The following ZNF385D variants were observed in gnomAD, a reference collection of about 807,000 sequenced individuals.
ZNF385D encodes the protein zinc finger protein 659.
A neutral mutation model predicts 35.8 loss-of-function variants in ZNF385D; 15 were observed. That is an observed-to-expected ratio of 0.42 (90% confidence interval 0.28 to 0.64). The LOEUF (loss-of-function observed/expected upper bound fraction) is 0.64. Among genes scored for constraint, ZNF385D ranks in the 30% least tolerant of loss-of-function variants. ZNF385D has a pLI of 0.23. For synonymous variants in ZNF385D, 212 were observed against 186.8 expected (o/e 1.13, Z -1.10); for missense variants, 474 against 494.6 (o/e 0.96, Z 0.39).
In ZNF385D at chr3:21,646,384, G is replaced by A. The variant is rs1359162912; in HGVS notation, c.165+18502C>T. On this transcript the variant is annotated intron_variant, in intron 2 of 7. Transcript: ENST00000281523. This position sits in a 1 kb window ranked among gnomAD's most constrained non-coding sequence, Gnocchi z 4.3. ...CACGATTAATCTGACTTCACAGTGAGACGCTGAGAAAGGTGAAGTAAGTGG... is the reference window on the plus strand; with the variant it reads ...CACGATTAATCTGACTTCACAGTGAAACGCTGAGAAAGGTGAAGTAAGTGG... Among the ~76,000 whole-genome samples the A allele has an allele frequency of 6.6e-6, 1 of 152,202 alleles. No homozygotes were observed. The highest frequency in any genetic ancestry group is 1.5e-5 in the Non-Finnish European group (1 of 68,044).
At chr3:22,178,208 A>C (rs7431409) in intron 2 of ZNF385D, among the ~76,000 whole-genome samples, 3,085 of 152,286 alleles carry the variant, frequency 0.02, 75 homozygotes, top group South Asian at 0.11. Flanking sequence ...CCAACAGTGT[A>C]AAAGTGTTCC....
intron 3 of ZNF385D, among the ~76,000 whole-genome samples, chr3:22,152,517 G>C (rs1044122251): frequency 9.2e-5 from 14 of 152,152 alleles, no homozygotes; most frequent in African/African-American, 3.4e-4. Flanking sequence ...TGTAAGGGAA[G>C]AATCTGTTTC....
chr3:21,717,089 C>A (rs551229405), intron 1 of ZNF385D, among the ~76,000 whole-genome samples: 1 of 152,114 alleles, frequency 6.6e-6, no homozygotes, highest in African/African-American at 2.4e-5. Flanking sequence ...GCCAAGATTG[C>A]GCCACTGCAC....
At chr3:22,244,772 C>A (rs1699683725) in intron 2 of ZNF385D, among the ~76,000 whole-genome samples, 1 of 150,828 alleles carries the variant, frequency 6.6e-6, no homozygotes, top group African/African-American at 2.5e-5. Context: ...TCAGCGAGCT[C>A]TAAAATCATT....
chr3:21,712,104 C>T (rs1458009194), intron 1 of ZNF385D, among the ~76,000 whole-genome samples: 2 of 37,716 alleles, frequency 5.3e-5, no homozygotes, highest in Non-Finnish European at 9.8e-5. Flanking sequence ...ACAGCCCTTT[C>T]CCTCGATGGC....
chr3:21,574,899 A>G (rs535685185), intron 2 of ZNF385D, among the ~76,000 whole-genome samples: 16 of 151,926 alleles, frequency 1.1e-4, no homozygotes, highest in African/African-American at 3.9e-4. Flanking sequence ...AAGGAAGGGC[A>G]CACACCAAAC....
Position 22,082,129 on chromosome 3 carries a change from G to A in ZNF385D, c.325+86688C>T, listed in dbSNP as rs563823724. ...ACAGCTCTGGTCTGCAGCTCCCAGAGTGATTGACGCAGCAGATGGGTGATT... is the reference window on the plus strand; with the variant it reads ...ACAGCTCTGGTCTGCAGCTCCCAGAATGATTGACGCAGCAGATGGGTGATT... On this transcript the variant is annotated intron_variant, in intron 3 of 5. Transcript: ENST00000494108. 1.5e-3 allele frequency among the ~76,000 whole-genome samples: 233 copies of A among 152,008 alleles called. 1 individual carries two copies. The highest frequency in any genetic ancestry group is 4.4e-3 in the African/African-American group (181 of 41,478).
intron 3 of ZNF385D, among the ~76,000 whole-genome samples, chr3:21,961,818 T>C (rs1343978702): frequency 6.6e-6 from 1 of 151,986 alleles, no homozygotes; most frequent in African/African-American, 2.4e-5. Flanking sequence ...CTGGATGGGA[T>C]GGGGAGCAAC....
intron 2 of ZNF385D, among the ~76,000 whole-genome samples, chr3:21,602,297 AT>A (rs2064318962): frequency 6.6e-6 from 1 of 152,010 alleles, no homozygotes; most frequent in East Asian, 1.9e-4. Flanking sequence ...CAGCCAAACC[AT>A]ATCAGAACGT....
chr3:21,705,905 T>C (rs2067881300), intron 1 of ZNF385D, among the ~76,000 whole-genome samples: 1 of 152,136 alleles, frequency 6.6e-6, no homozygotes, highest in Admixed American at 6.6e-5. Context: ...CACACCAAGC[T>C]CTGGTTGCCA....
chr3:21,956,084 G>T (rs1702270640), intron 3 of ZNF385D, among the ~76,000 whole-genome samples: 1 of 152,000 alleles, frequency 6.6e-6, no homozygotes, highest in South Asian at 2.1e-4. Context: ...TACTCAAGAG[G>T]CTGAGGTGAG....
chr3:22,140,497 C>G (rs1704440069), intron 3 of ZNF385D, among the ~76,000 whole-genome samples: 1 of 152,150 alleles, frequency 6.6e-6, no homozygotes, highest in African/African-American at 2.4e-5. Flanking sequence ...GAAAATGTAT[C>G]TATGTGATAA....
intron 3 of ZNF385D, among the ~76,000 whole-genome samples, chr3:21,998,308 G>A (rs1414048689): frequency 3.3e-5 from 5 of 152,138 alleles, no homozygotes; most frequent in African/African-American, 9.7e-5. Flanking sequence ...GTGCACCGGT[G>A]CTCTAATACA....
intron 3 of ZNF385D, among the ~76,000 whole-genome samples, chr3:21,950,215 T>G (rs1436905420): frequency 6.6e-6 from 1 of 151,764 alleles, no homozygotes; most frequent in Non-Finnish European, 1.5e-5. Context: ...TTCTCCAGTA[T>G]CTGTTGTTTC....
chr3:21,686,462 C>A (rs1324475124), intron 1 of ZNF385D, among the ~76,000 whole-genome samples: 1 of 152,036 alleles, frequency 6.6e-6, no homozygotes, highest in African/African-American at 2.4e-5. Context: ...ATAATGTGAG[C>A]CATAGAAATG....
intron 2 of ZNF385D, among the ~76,000 whole-genome samples, chr3:22,181,655 G>A (rs1362861023): frequency 1.3e-5 from 2 of 148,156 alleles, no homozygotes; most frequent in African/African-American, 2.5e-5. Flanking sequence ...CGGAGATGGG[G>A]CCACTGCACT....
At chr3:22,348,213 C>A (rs1695747312) in intron 2 of ZNF385D, among the ~76,000 whole-genome samples, 1 of 151,890 alleles carries the variant, frequency 6.6e-6, no homozygotes, top group Non-Finnish European at 1.5e-5. Context: ...GACTTATGCA[C>A]CCCTCCAAAA....
chr3:22,336,926 A>AAAAAAAAAAAAC (rs1695192930), intron 2 of ZNF385D, among the ~76,000 whole-genome samples: 1 of 146,416 alleles, frequency 6.8e-6, no homozygotes, highest in Non-Finnish European at 1.5e-5. Flanking sequence ...AAAAAAAAAA[A>AAAAAAAAAAAAC]AAAAAAAAAA....
At chr3:22,154,688 C>T (rs998833007) in intron 3 of ZNF385D, among the ~76,000 whole-genome samples, 1 of 152,148 alleles carries the variant, frequency 6.6e-6, no homozygotes. Flanking sequence ...TTCTGGTTTT[C>T]TCCTATTCTG....
Sources: gnomAD v4.1 joint callset for allele counts (sites outside exome capture counted in the v4.1 genomes callset) on GRCh38, gnomAD v4.1.1 for gene constraint, Gnocchi (gnomAD v3.1) non-coding constraint, MANE v1.5 for transcripts, NCBI Gene and HGNC (gene_info 2026-07-23, HGNC 2026-07-21) for gene names.